KTN1: variants seen among roughly 807,000 people sequenced by gnomAD.
KTN1 encodes kinectin 1.
Under a neutral mutation model 222.5 loss-of-function variants are expected in KTN1, and 130 were observed. The observed-to-expected ratio is 0.58, with a 90% CI of 0.51 to 0.68. The LOEUF (loss-of-function observed/expected upper bound fraction) is 0.68. Among genes scored for constraint, KTN1 ranks in the 30% least tolerant of loss-of-function variants. The pLI is 0.00. For missense variants in KTN1, 1,508 were observed against 1,500.4 expected (o/e 1.01, Z -0.08); for synonymous variants, 512 against 496.3 (o/e 1.03, Z -0.42).
intron 1 of KTN1, among the ~76,000 whole-genome samples, chr14:55,585,103 G>T (rs1177054906): frequency 7.1e-6 from 1 of 140,636 alleles, no homozygotes; most frequent in Non-Finnish European, 1.5e-5. Flanking sequence ...CTGCACTCCA[G>T]CCTGGGTGAC....
intron 37 of KTN1, chr14:55,672,272 C>T (rs868301281): frequency 8.7e-6 from 2 of 230,534 alleles, no homozygotes; most frequent in East Asian, 2.0e-4. Context: ...CTCCCTTTTA[C>T]TTCAGCGTGA....
At position 55,637,818 on chromosome 14, in the gene KTN1, C is replaced by T; in HGVS notation, c.1756C>T (p.Gln586Ter). The T allele has an allele frequency of 1.2e-6, 2 of 1,611,154 alleles. No homozygotes were observed. Among genetic ancestry groups the T allele is most frequent in the Non-Finnish European group, 1.7e-6 (2 of 1,178,078 alleles). ...EQNEALKAQI[Q>*]QFHSQIAAQT... is the part of the protein sequence containing the mutation. ...GAATGAGGCTTTGAAAGCTCAAATT[C>T]AGCAGTTCCATTCCCAGATAGCAGC... Residue 586 changes from glutamine (Q) to a stop codon, truncating the protein, a stop_gained, in exon 12 of 44, where the codon CAG becomes TAG. Transcript: ENST00000395314. LOFTEE classifies it high-confidence loss of function.
rs773378915 is a variant in KTN1, at chr14:55,639,204, CAGA to C, written c.1810_1812del (p.Glu604del). On this transcript the variant is annotated inframe_deletion, in exon 13 of 44. Coordinates refer to ENST00000395314, the MANE Select transcript of KTN1 (RefSeq NM_001079521.2). ...TCTTAGACCTCCGCTTCAGTTCTAG[CAGA>C]AGAATTACATAAAGTGTAAGCCTAC... 45 of 1,604,368 alleles carry C rather than the reference CAGA, an allele frequency of 2.8e-5. No individual in the cohort carries two copies. The highest frequency in any genetic ancestry group is 1.5e-4 in the South Asian group (14 of 90,724).
At chr14:55,681,626 C>G (rs1279125680) in intron 43 of KTN1, 1 of 152,118 alleles carries the variant, frequency 6.6e-6, no homozygotes, top group African/African-American at 2.4e-5. Flanking sequence ...CAGGCAGCTC[C>G]CCTCCTAACT....
chr14:55,654,988 C>CT (rs1018717300), intron 28 of KTN1, among the ~76,000 whole-genome samples: 116 of 151,080 alleles, frequency 7.7e-4, no homozygotes, highest in African/African-American at 2.3e-3. Flanking sequence ...CTTTTCTTTT[C>CT]TTTTTTTTTG....
Position 55,661,564 on chromosome 14 carries a change from G to A in KTN1, c.3042G>A (p.Glu1014=), listed in dbSNP as rs1464417915. 2 of 1,604,904 alleles carry A rather than the reference G, an allele frequency of 1.2e-6. No individual in the cohort carries two copies. The highest frequency in any genetic ancestry group is 3.3e-5 in the Admixed American group (2 of 59,938). The change falls in exon 32 of 44, where the codon GAG becomes GAA. Residue 1014 remains glutamate (E), a synonymous_variant. Coordinates refer to ENST00000395314, the MANE Select transcript of KTN1 (RefSeq NM_001079521.2). ...REKEISGLWN[E]LDSLKDAVEH... ...AAGAAATAAGTGGTCTCTGGAATGA[G>A]TTAGATTCTTTGAAGGATGCAGTTG...
intron 1 of KTN1, among the ~76,000 whole-genome samples, chr14:55,604,926 T>C (rs1044481075): frequency 2.0e-5 from 3 of 152,216 alleles, no homozygotes; most frequent in Non-Finnish European, 4.4e-5. Context: ...GAATCCATAG[T>C]AGCCTCTTAC....
chr14:55,634,550 A>G lies in KTN1; in HGVS notation c.1353A>G (p.Leu451=). Reference sequence around the variant, plus strand: ...GGCAGTCTGCAGAACTAAATAAACTACGCCAGGATTATGCTAGGTTGGTGA... The same window carrying G: ...GGCAGTCTGCAGAACTAAATAAACTGCGCCAGGATTATGCTAGGTTGGTGA... The part of the protein sequence containing the change: ...ESKQSAELNK[L]RQDYARLVNE... Residue 451 remains leucine (L), a synonymous_variant, in exon 9 of 44, where the codon CTA becomes CTG. Coordinates refer to ENST00000395314, the MANE Select transcript of KTN1 (RefSeq NM_001079521.2). 1.2e-6 allele frequency: 2 copies of G among 1,613,382 alleles called. No homozygotes were observed. The highest frequency in any genetic ancestry group is 1.7e-6 in the Non-Finnish European group (2 of 1,179,708).
intron 34 of KTN1, chr14:55,668,807 A>G (rs2045144510): frequency 6.6e-6 from 1 of 152,144 alleles, no homozygotes; most frequent in African/African-American, 2.4e-5. Flanking sequence ...GGGTGGGGTA[A>G]GTAAACTTAA....
chr14:55,612,452 C>T lies in KTN1; in HGVS notation c.404C>T (p.Ala135Val), dbSNP rs761941156. ...LEEQVIKESD[A>V]SKIPGKKVEP... ...GAGCAGGTCATCAAAGAAAGTGACG[C>T]ATCAAAGATTCCTGGCAAAAAAGTA... Residue 135 changes from alanine (A) to valine (V), a missense_variant, in exon 2 of 44, where the codon GCA (alanine) becomes GTA (valine). Coordinates refer to ENST00000395314, the MANE Select transcript of KTN1 (RefSeq NM_001079521.2). 22 of 1,614,104 alleles carry T rather than the reference C, an allele frequency of 1.4e-5. No homozygotes were observed. Among genetic ancestry groups the T allele is most frequent in the Non-Finnish European group, 1.6e-5 (19 of 1,179,996 alleles).
intron 13 of KTN1, 65 bp downstream of exon 13, chr14:55,639,287 G>T: frequency 9.0e-7 from 1 of 1,112,842 alleles, no homozygotes; most frequent in South Asian, 1.3e-5. Context: ...TGTTAGATGC[G>T]ACACTTATGA....
At chr14:55,613,304 G>A (rs1016819850) in intron 2 of KTN1, among the ~76,000 whole-genome samples, 1 of 152,044 alleles carries the variant, frequency 6.6e-6, no homozygotes, top group Non-Finnish European at 1.5e-5. Context: ...TTAAGTACTA[G>A]TTAGGTTTTT....
intron 24 of KTN1, chr14:55,651,138 C>G (rs2042899070): frequency 8.3e-6 from 3 of 363,594 alleles, no homozygotes. Context: ...ATGATTCATT[C>G]ATCTCATAGA....
In KTN1 at chr14:55,678,425, G is replaced by T. The variant is rs984545980; in HGVS notation, c.3929G>T (p.Ser1310Ile). 2.1e-5 allele frequency: 34 copies of T among 1,606,624 alleles called. No homozygotes were observed. The highest frequency in any genetic ancestry group is 2.8e-5 in the Non-Finnish European group (33 of 1,173,398). The change falls in exon 42 of 44, where the codon AGT becomes ATT. Residue 1310 changes from serine to isoleucine, a missense_variant. Transcript: ENST00000395314. ...AAGDTTVIENSDVSPETESSE... is the reference protein window; with the variant it reads ...AAGDTTVIENIDVSPETESSE... ...GGAGACACTACTGTTATTGAAAATAGTGATGTTTCCCCAGAAACGGTATGT... is the reference window on the plus strand; with the variant it reads ...GGAGACACTACTGTTATTGAAAATATTGATGTTTCCCCAGAAACGGTATGT...
At chr14:55,622,190 G>C (rs745943568) in intron 5 of KTN1, among the ~76,000 whole-genome samples, 1 of 152,098 alleles carries the variant, frequency 6.6e-6, no homozygotes, top group Admixed American at 6.5e-5. Context: ...TGGCTAAACT[G>C]TACCGTGCTT....
intron 10 of KTN1, among the ~76,000 whole-genome samples, chr14:55,636,808 A>G (rs1422992902): frequency 6.6e-6 from 1 of 151,728 alleles, no homozygotes; most frequent in Non-Finnish European, 1.5e-5. Flanking sequence ...TCTTTTCTGT[A>G]GTTATTCTCT....
At chr14:55,618,282 T>C in intron 4 of KTN1, 148 bp downstream of exon 4, 1 of 560,130 alleles carries the variant, frequency 1.8e-6, no homozygotes, top group Non-Finnish European at 2.9e-6. Flanking sequence ...AGTCTTTTAG[T>C]CCAGCCTCCT....
intron 33 of KTN1, among the ~76,000 whole-genome samples, chr14:55,664,389 C>T (rs763306589): frequency 5.3e-5 from 8 of 152,116 alleles, no homozygotes; most frequent in Non-Finnish European, 8.8e-5. Context: ...GGTGAATTAA[C>T]AAACACATTT....
chr14:55,619,431 C>G (rs1324107330), intron 5 of KTN1, 119 bp downstream of exon 5: 2 of 887,106 alleles, frequency 2.3e-6, no homozygotes, highest in Non-Finnish European at 1.7e-6. Context: ...GAACATACAT[C>G]TGGAATGCCT....
Sources: allele counts gnomAD v4.1 joint callset (sites outside exome capture counted in the v4.1 genomes callset), GRCh38; gene constraint gnomAD v4.1.1; transcripts MANE v1.5; gene names NCBI Gene and HGNC (gene_info 2026-07-23, HGNC 2026-07-21).